The following MED27 variants were observed in gnomAD, a reference collection of about 807,000 sequenced individuals.
MED27 encodes mediator of RNA polymerase II transcription subunit 27.
Under a neutral mutation model 38.2 loss-of-function variants are expected in MED27, and 30 were observed. The observed-to-expected ratio is 0.79, with a 90% CI of 0.59 to 1.07. The LOEUF (loss-of-function observed/expected upper bound fraction) is 1.07. Among genes scored for constraint, MED27 ranks in the 50% least tolerant of loss-of-function variants. The pLI, the probability that MED27 is intolerant of heterozygous loss-of-function variation, is 0.00. For synonymous variants in MED27, 122 were observed against 153.5 expected (o/e 0.79, Z 1.52); for missense variants, 289 against 397.5 (o/e 0.73, Z 2.32).
At chr9:132,034,528 A>C (rs1833031396) in intron 2 of MED27, among the ~76,000 whole-genome samples, 1 of 152,214 alleles carries the variant, frequency 6.6e-6, no homozygotes, top group Non-Finnish European at 1.5e-5. Flanking sequence ...TCTGCAGAAG[A>C]ATCACAAGGT....
intron 6 of MED27, among the ~76,000 whole-genome samples, chr9:131,882,291 G>A (rs969079723): frequency 6.6e-6 from 1 of 152,134 alleles, no homozygotes; most frequent in Non-Finnish European, 1.5e-5. Context: ...GGTCCATGAC[G>A]CCCCTCTGAT....
At chr9:131,942,976 C>T (rs1830814644) in intron 3 of MED27, among the ~76,000 whole-genome samples, 1 of 152,118 alleles carries the variant, frequency 6.6e-6, no homozygotes, top group Non-Finnish European at 1.5e-5. Flanking sequence ...GCAGTTGGCA[C>T]AGGTAAGTAA....
chr9:131,865,231 G>A (rs1305674034), intron 6 of MED27, among the ~76,000 whole-genome samples: 1 of 152,148 alleles, frequency 6.6e-6, no homozygotes, highest in African/African-American at 2.4e-5. Context: ...TGCCAAGACT[G>A]CTTTTATTTT....
At chr9:132,073,865 G>T in intron 2 of MED27, 7 of 1,271,726 alleles carry the variant, frequency 5.5e-6, no homozygotes, top group Non-Finnish European at 7.1e-6. Context: ...TTCAGATGTT[G>T]CCAGGGAAAG....
chr9:131,909,093 T>C (rs1159667683), intron 4 of MED27, among the ~76,000 whole-genome samples: 2 of 151,886 alleles, frequency 1.3e-5, no homozygotes, highest in African/African-American at 2.4e-5. Flanking sequence ...GGAGTGGATA[T>C]GAGGAGTGAG....
intron 3 of MED27, among the ~76,000 whole-genome samples, chr9:131,992,200 C>T (rs1831991051): frequency 6.6e-6 from 1 of 152,062 alleles, no homozygotes; most frequent in African/African-American, 2.4e-5. Flanking sequence ...TGGAAAATAT[C>T]AATGTTGATT....
intron 3 of MED27, among the ~76,000 whole-genome samples, chr9:131,962,098 G>GT (rs1197175452): frequency 6.6e-6 from 1 of 152,134 alleles, no homozygotes; most frequent in Non-Finnish European, 1.5e-5. Context: ...CCTTCTGAAT[G>GT]TTTTCTTTCC....
intron 6 of MED27, among the ~76,000 whole-genome samples, chr9:131,874,703 C>T (rs935400552): frequency 2.0e-5 from 3 of 152,292 alleles, no homozygotes; most frequent in Non-Finnish European, 4.4e-5. Context: ...AGGAGACGCG[C>T]TGGGTCTTTG....
intron 3 of MED27, among the ~76,000 whole-genome samples, chr9:131,975,811 G>C (rs1831592726): frequency 6.6e-6 from 1 of 152,180 alleles, no homozygotes; most frequent in Admixed American, 6.5e-5. Flanking sequence ...GAGTAAAAAA[G>C]GATGTGGGGT....
At chr9:131,887,391 C>T (rs761296121) in intron 5 of MED27, among the ~76,000 whole-genome samples, 7 of 152,124 alleles carry the variant, frequency 4.6e-5, no homozygotes, top group Admixed American at 6.6e-5. Flanking sequence ...TTAGATAATA[C>T]GGTCTATTTA....
At chr9:132,026,064 C>G (rs1434780531) in intron 2 of MED27, among the ~76,000 whole-genome samples, 3 of 152,194 alleles carry the variant, frequency 2.0e-5, no homozygotes, top group Non-Finnish European at 4.4e-5. Flanking sequence ...TGTGCATGTT[C>G]CCTACTCCAA....
At chr9:131,922,853 A>T (rs1332784126) in intron 4 of MED27, among the ~76,000 whole-genome samples, 1 of 151,940 alleles carries the variant, frequency 6.6e-6, no homozygotes, top group African/African-American at 2.4e-5. Flanking sequence ...ACCTCAAGTG[A>T]TCCACCATTC....
chr9:131,927,745 T>G (rs2131560799), intron 4 of MED27, among the ~76,000 whole-genome samples: 1 of 152,248 alleles, frequency 6.6e-6, no homozygotes, highest in African/African-American at 2.4e-5. Flanking sequence ...CAAGCTGAAA[T>G]ATACAGAGGG....
intron 2 of MED27, among the ~76,000 whole-genome samples, chr9:132,069,863 A>T (rs940945508): frequency 2.0e-5 from 3 of 152,208 alleles, no homozygotes; most frequent in African/African-American, 7.2e-5. Context: ...GCCGAGACTG[A>T]ACAGTGCTCT....
intron 3 of MED27, among the ~76,000 whole-genome samples, chr9:131,955,240 A>T (rs181082866): frequency 3.9e-4 from 60 of 152,332 alleles, no homozygotes; most frequent in African/African-American, 1.3e-3. Flanking sequence ...GAATGATAAA[A>T]ATATATTAAA....
At chr9:131,866,035 T>A (rs1838731235) in intron 6 of MED27, among the ~76,000 whole-genome samples, 1 of 152,200 alleles carries the variant, frequency 6.6e-6, no homozygotes, top group Non-Finnish European at 1.5e-5. Context: ...GGATCCAGCC[T>A]ACTCCACTCA....
chr9:131,877,779 T>G (rs929685233), intron 6 of MED27, among the ~76,000 whole-genome samples: 1 of 152,168 alleles, frequency 6.6e-6, no homozygotes, highest in African/African-American at 2.4e-5. Flanking sequence ...TTAGGATTTT[T>G]GAATACTATT....
chr9:132,053,281 G>A (rs1446503857), intron 2 of MED27, among the ~76,000 whole-genome samples: 2 of 151,892 alleles, frequency 1.3e-5, no homozygotes, highest in Non-Finnish European at 2.9e-5. Context: ...AAAAAGAAAG[G>A]GCTGCTCAGA....
chr9:131,885,855 C>T (rs1038084542), intron 5 of MED27, among the ~76,000 whole-genome samples: 2 of 152,146 alleles, frequency 1.3e-5, no homozygotes, highest in Non-Finnish European at 2.9e-5. Flanking sequence ...CCCATAGGTG[C>T]TAAAAAGTTG....
Sources: allele counts gnomAD v4.1 joint callset (sites outside exome capture counted in the v4.1 genomes callset), GRCh38; gene constraint gnomAD v4.1.1; transcripts MANE v1.5; gene names NCBI Gene and HGNC (gene_info 2026-07-23, HGNC 2026-07-21).